GNA14: variants seen among roughly 807,000 people sequenced by gnomAD.
The protein encoded by GNA14 is G protein subunit alpha 14, also known as guanine nucleotide-binding protein subunit alpha-14.
GNA14 carries 50 observed loss-of-function variants against 42.0 expected under a neutral mutation model. The ratio of observed to expected loss-of-function variants is 1.19; its 90% CI spans 0.95 to 1.51. GNA14 has a LOEUF of 1.51. GNA14 is among the 40% of genes most tolerant of loss of function. The pLI, the probability that GNA14 is intolerant of heterozygous loss-of-function variation, is 0.00. For missense variants in GNA14, 473 were observed against 446.2 expected (o/e 1.06, Z -0.54); for synonymous variants, 173 against 163.1 (o/e 1.06, Z -0.46).
intron 2 of GNA14, among the ~76,000 whole-genome samples, chr9:77,527,957 G>C (rs996779511): frequency 1.3e-5 from 2 of 152,174 alleles, no homozygotes; most frequent in African/African-American, 4.8e-5. Flanking sequence ...GTTTTAGCAT[G>C]ACTCTGTTAC....
At chr9:77,593,524 G>T (rs866762866) in intron 1 of GNA14, among the ~76,000 whole-genome samples, 1 of 152,090 alleles carries the variant, frequency 6.6e-6, no homozygotes, top group Admixed American at 6.5e-5. Context: ...TGGCCAGGCT[G>T]GTCTCGAACT....
chr9:77,474,449 C>T (rs140502950), intron 2 of GNA14, among the ~76,000 whole-genome samples: 85 of 152,250 alleles, frequency 5.6e-4, no homozygotes, highest in Non-Finnish European at 5.0e-4. Flanking sequence ...AACCACAAAG[C>T]GATACCAGCA....
intron 1 of GNA14, among the ~76,000 whole-genome samples, chr9:77,636,160 T>G (rs1824180816): frequency 6.6e-6 from 1 of 152,172 alleles, no homozygotes; most frequent in African/African-American, 2.4e-5. Context: ...TATTTTTCAA[T>G]TACACAGTAG....
intron 1 of GNA14, among the ~76,000 whole-genome samples, chr9:77,591,891 A>G (rs985361522): frequency 8.0e-5 from 12 of 149,906 alleles, no homozygotes; most frequent in Admixed American, 2.0e-4. Context: ...TTTCTTGTTC[A>G]TGTCCAGCAC....
intron 1 of GNA14, among the ~76,000 whole-genome samples, chr9:77,603,426 G>C (rs1473413560): frequency 1.3e-5 from 2 of 152,084 alleles, no homozygotes. Context: ...TAGGAATGAA[G>C]AGTTCCAGTA....
At chr9:77,634,795 A>G (rs558492056) in intron 1 of GNA14, among the ~76,000 whole-genome samples, 5 of 152,334 alleles carry the variant, frequency 3.3e-5, no homozygotes, top group East Asian at 1.9e-4. Flanking sequence ...GTAAACCACT[A>G]TAAAGAGAGA....
At chr9:77,530,733 T>C (rs903399456) in intron 1 of GNA14, among the ~76,000 whole-genome samples, 1 of 152,132 alleles carries the variant, frequency 6.6e-6, no homozygotes, top group Non-Finnish European at 1.5e-5. Flanking sequence ...ACCTCAAACC[T>C]CAGCCAACCC....
intron 2 of GNA14, among the ~76,000 whole-genome samples, chr9:77,474,954 T>C (rs754072817): frequency 6.6e-6 from 1 of 152,070 alleles, no homozygotes; most frequent in South Asian, 2.1e-4. Flanking sequence ...GTCAAATTCA[T>C]AGAGACATAA....
At chr9:77,517,583 T>C (rs512270) in intron 2 of GNA14, 1 of 134,766 alleles carries the variant, frequency 7.4e-6, no homozygotes, top group Non-Finnish European at 1.6e-5. Flanking sequence ...CTTATCCTGG[T>C]ACTTTTCTTT....
At chr9:77,424,461 G>A (rs1036227515) in intron 6 of GNA14, among the ~76,000 whole-genome samples, 10 of 152,162 alleles carry the variant, frequency 6.6e-5, no homozygotes, top group Non-Finnish European at 1.0e-4. Flanking sequence ...GACCTTAGGT[G>A]ATCCACCTGC....
chr9:77,431,349 G>A lies in GNA14; in HGVS notation c.565C>T (p.Pro189Ser). The A allele has an allele frequency of 6.2e-7, 1 of 1,613,802 alleles. No homozygotes were observed. The highest frequency in any genetic ancestry group is 8.5e-7 in the Non-Finnish European group (1 of 1,179,776). The change falls in exon 4 of 7, where the codon CCA becomes TCA. Residue 189 changes from proline to serine, a missense_variant. Coordinates refer to ENST00000341700, the MANE Select transcript of GNA14 (RefSeq NM_004297.4). ...AAGATGATGTTTTCCAAGTCAAATG[G>A]ATACTCAATGATGCCGGTGGTGGGC... ...RVPTTGIIEYPFDLENIIFRM... is the reference protein window; with the variant it reads ...RVPTTGIIEYSFDLENIIFRM...
At chr9:77,646,665 G>A (rs753709862) in intron 1 of GNA14, among the ~76,000 whole-genome samples, 3 of 152,080 alleles carry the variant, frequency 2.0e-5, no homozygotes, top group African/African-American at 7.2e-5. Flanking sequence ...GTTCAAAAGG[G>A]GTGAAAGAAA....
At chr9:77,614,556 C>T (rs1028471465) in intron 1 of GNA14, among the ~76,000 whole-genome samples, 1 of 152,188 alleles carries the variant, frequency 6.6e-6, no homozygotes. Flanking sequence ...GAAACGCCAA[C>T]AAGGAGATGG....
chr9:77,574,092 G>A (rs868811528), intron 1 of GNA14, among the ~76,000 whole-genome samples: 2 of 152,038 alleles, frequency 1.3e-5, no homozygotes, highest in Admixed American at 6.6e-5. Flanking sequence ...ATCGCTTGAG[G>A]CCAGGAGTTC....
intron 4 of GNA14, among the ~76,000 whole-genome samples, chr9:77,431,023 TTTGTGTGTGTGTGTGTGTG>T (rs1835542343): frequency 9.0e-6 from 1 of 111,600 alleles, no homozygotes. Flanking sequence ...GAAGTATACA[TTTGTGTGTGTGTGTGTGTG>T]TGTGTGTGTG....
At chr9:77,431,100 C>G (rs750857398) in intron 4 of GNA14, among the ~76,000 whole-genome samples, 70 of 150,164 alleles carry the variant, frequency 4.7e-4, no homozygotes, top group Non-Finnish European at 7.8e-4. Context: ...ATTCCAGTTT[C>G]CAGTAAGGAA....
intron 2 of GNA14, among the ~76,000 whole-genome samples, chr9:77,439,619 AGAGT>A (rs1179584766): frequency 6.6e-6 from 1 of 152,198 alleles, no homozygotes; most frequent in African/African-American, 2.4e-5. Context: ...CCTGAGTGAA[AGAGT>A]GAGATACTGT....
chr9:77,453,189 T>C (rs1438933302), intron 2 of GNA14, among the ~76,000 whole-genome samples: 2 of 152,120 alleles, frequency 1.3e-5, no homozygotes, highest in Non-Finnish European at 2.9e-5. Flanking sequence ...AGCTTGTGTG[T>C]CCCTTCCGCC....
At chr9:77,633,280 C>T (rs1824127399) in intron 1 of GNA14, among the ~76,000 whole-genome samples, 1 of 152,048 alleles carries the variant, frequency 6.6e-6, no homozygotes, top group South Asian at 2.1e-4. Flanking sequence ...GATGCATTCT[C>T]AAAATGAGTA....
Sources: allele counts gnomAD v4.1 joint callset (sites outside exome capture counted in the v4.1 genomes callset), GRCh38; gene constraint gnomAD v4.1.1; transcripts MANE v1.5; gene names NCBI Gene and HGNC (gene_info 2026-07-23, HGNC 2026-07-21).